Variants in CCSER1 observed in about 807,000 individuals in gnomAD.
CCSER1 encodes the protein coiled-coil serine rich protein 1.
CCSER1 carries 41 observed loss-of-function variants against 82.0 expected under a neutral mutation model. The ratio of observed to expected loss-of-function variants is 0.50; its 90% CI spans 0.39 to 0.65. The LOEUF (loss-of-function observed/expected upper bound fraction) is 0.65, where lower values mean the gene tolerates loss of function less well. Ranked by LOEUF, CCSER1 falls within the 30% of genes least tolerant of loss-of-function variation. CCSER1 has a pLI of 0.00. For synonymous variants in CCSER1, 414 were observed against 383.9 expected (o/e 1.08, Z -0.92); for missense variants, 1,119 against 1,064.2 (o/e 1.05, Z -0.72).
intron 10 of CCSER1, among the ~76,000 whole-genome samples, chr4:91,549,158 ATCAAAG>A (rs1762039314): frequency 6.6e-6 from 1 of 152,050 alleles, no homozygotes; most frequent in Middle Eastern, 3.2e-3. Flanking sequence ...TAATAAGTCC[ATCAAAG>A]TCATTCTTTA....
intron 7 of CCSER1, among the ~76,000 whole-genome samples, chr4:90,769,813 G>A (rs1445872906): frequency 6.6e-6 from 1 of 152,084 alleles, no homozygotes; most frequent in Admixed American, 6.5e-5. Context: ...GGTGGAAGTG[G>A]GTGAGTATAT....
intron 10 of CCSER1, among the ~76,000 whole-genome samples, chr4:91,135,072 A>G (rs1406629775): frequency 6.6e-6 from 1 of 152,052 alleles, no homozygotes; most frequent in Non-Finnish European, 1.5e-5. Context: ...GAAAAAAAAA[A>G]AAACTATTCT....
chr4:91,237,244 A>G lies in CCSER1; in HGVS notation c.2217+151250A>G, dbSNP rs145651643. On this transcript the variant is annotated intron_variant, in intron 10 of 10. Transcript: ENST00000509176. Reference sequence around the variant, plus strand: ...AACTAATTTATTTATATTTCAACATAAATTAGATGTTTTTTAGAGTTTAAG... The same window carrying G: ...AACTAATTTATTTATATTTCAACATGAATTAGATGTTTTTTAGAGTTTAAG... Among the ~76,000 whole-genome samples the G allele has an allele frequency of 1.4e-4, 22 of 152,098 alleles. No individual in the cohort carries two copies. In the East Asian group the frequency reaches 4.2e-3, roughly 29 times the overall value.
At chr4:90,313,677 G>C (rs1216696465) in intron 3 of CCSER1, among the ~76,000 whole-genome samples, 2 of 152,092 alleles carry the variant, frequency 1.3e-5, no homozygotes, top group African/African-American at 4.8e-5. Flanking sequence ...GTGAACTAGG[G>C]TGTCACAGAG....
chr4:90,374,046 C>A (rs112064116), intron 3 of CCSER1, among the ~76,000 whole-genome samples: 44 of 152,262 alleles, frequency 2.9e-4, no homozygotes, highest in Non-Finnish European at 5.3e-4. Context: ...TGGCTTTTGC[C>A]AACATCCACG....
At chr4:91,153,969 G>A (rs1218656933) in intron 10 of CCSER1, among the ~76,000 whole-genome samples, 1 of 151,946 alleles carries the variant, frequency 6.6e-6, no homozygotes, top group Admixed American at 6.5e-5. Context: ...GGACCCACTT[G>A]AGGAGGCAGT....
chr4:90,741,505 A>G (rs1310251205), intron 7 of CCSER1, among the ~76,000 whole-genome samples: 2 of 152,226 alleles, frequency 1.3e-5, no homozygotes, highest in Admixed American at 6.5e-5. Flanking sequence ...TACGTGATAT[A>G]TACATCAGAT....
intron 10 of CCSER1, among the ~76,000 whole-genome samples, chr4:91,118,878 G>A (rs1403917368): frequency 6.6e-6 from 1 of 152,110 alleles, no homozygotes; most frequent in Non-Finnish European, 1.5e-5. Flanking sequence ...TGAAATTTGG[G>A]TAAATTGTTC....
chr4:91,195,753 A>C (rs1039222241), intron 10 of CCSER1, among the ~76,000 whole-genome samples: 4 of 152,198 alleles, frequency 2.6e-5, no homozygotes, highest in African/African-American at 7.2e-5. Flanking sequence ...TCTCATATCT[A>C]TCTCTCACAT....
chr4:90,168,643 A>G (rs1298803453), intron 1 of CCSER1, among the ~76,000 whole-genome samples: 6 of 152,074 alleles, frequency 3.9e-5, no homozygotes, highest in Non-Finnish European at 7.4e-5. Flanking sequence ...ACCTTGACTT[A>G]ATTTTTGTAT....
chr4:91,337,055 A>G (rs1747371939), intron 10 of CCSER1, among the ~76,000 whole-genome samples: 1 of 152,104 alleles, frequency 6.6e-6, no homozygotes, highest in South Asian at 2.1e-4. Context: ...TACATTGATG[A>G]CAGCTCCTCA....
At chr4:91,540,496 T>C (rs1422374720) in intron 10 of CCSER1, among the ~76,000 whole-genome samples, 1 of 152,150 alleles carries the variant, frequency 6.6e-6, no homozygotes, top group Non-Finnish European at 1.5e-5. Flanking sequence ...TTTTTCCGAA[T>C]GTGAGGCTTC....
chr4:91,106,465 A>G (rs1561553732), intron 10 of CCSER1, among the ~76,000 whole-genome samples: 1 of 152,216 alleles, frequency 6.6e-6, no homozygotes, highest in Non-Finnish European at 1.5e-5. Flanking sequence ...CCTTGAGAGC[A>G]TTAACTAATC....
At chr4:90,905,358 CCA>C (rs3043030) in intron 8 of CCSER1, among the ~76,000 whole-genome samples, 65,464 of 150,154 alleles carry the variant, frequency 0.44, 15,672 homozygotes, top group South Asian at 0.62. Flanking sequence ...TCTAGTCACA[CCA>C]CACACACACA....
At chr4:91,374,317 G>A (rs7672780) in intron 10 of CCSER1, among the ~76,000 whole-genome samples, 112,633 of 152,102 alleles carry the variant, frequency 0.74, 41,907 homozygotes, top group East Asian at 0.86. Context: ...TTTTAAGGAC[G>A]GAATGACTCC....
intron 10 of CCSER1, among the ~76,000 whole-genome samples, chr4:91,550,960 G>GA (rs1299286038): frequency 9.9e-5 from 15 of 152,186 alleles, no homozygotes; most frequent in African/African-American, 3.4e-4. Flanking sequence ...TTATGTTCAT[G>GA]ACTTACTTTA....
chr4:90,435,452 AGAAACTAAAT>A (rs1381816581), intron 4 of CCSER1, among the ~76,000 whole-genome samples: 1 of 152,190 alleles, frequency 6.6e-6, no homozygotes, highest in African/African-American at 2.4e-5. Flanking sequence ...GTACTGAGGA[AGAAACTAAAT>A]GAATTAACTC....
intron 4 of CCSER1, among the ~76,000 whole-genome samples, chr4:90,448,444 AATATATATATAT>A (rs70963067): frequency 6.1e-4 from 27 of 44,100 alleles, no homozygotes; most frequent in East Asian, 4.5e-3. Flanking sequence ...AGGTGAATTG[AATATATATATAT>A]ATATATATAT....
intron 7 of CCSER1, among the ~76,000 whole-genome samples, chr4:90,796,429 A>C (rs1049930239): frequency 6.6e-6 from 1 of 151,140 alleles, no homozygotes; most frequent in Non-Finnish European, 1.5e-5. Context: ...AAAAAAAAAA[A>C]AAAAAACAGC....
Sources: allele counts gnomAD v4.1 joint callset (sites outside exome capture counted in the v4.1 genomes callset), GRCh38; gene constraint gnomAD v4.1.1; transcripts MANE v1.5; gene names NCBI Gene and HGNC (gene_info 2026-07-23, HGNC 2026-07-21).